Variants in ARHGEF18 observed in about 807,000 individuals in gnomAD.
The protein encoded by ARHGEF18 is Rho/Rac guanine nucleotide exchange factor 18, also known as rho guanine nucleotide exchange factor 18.
In ARHGEF18, 93 loss-of-function variants were observed where a neutral mutation model predicts 155.7. The ratio of observed to expected loss-of-function variants is 0.60; its 90% CI spans 0.50 to 0.71. The LOEUF is 0.71. Ranked by LOEUF, ARHGEF18 falls within the 30% of genes least tolerant of loss-of-function variation. ARHGEF18 has a pLI of 0.00. For synonymous variants in ARHGEF18, 742 were observed against 753.1 expected, an observed-to-expected ratio of 0.99 and a Z score of 0.24; for missense variants, 1,593 against 1,816.1, an observed-to-expected ratio of 0.88 and a Z score of 2.23.
At chr19:7,389,734 C>T (rs893884148) in intron 10 of ARHGEF18, among the ~76,000 whole-genome samples, 6 of 151,924 alleles carry the variant, frequency 3.9e-5, no homozygotes, top group African/African-American at 4.8e-5. Flanking sequence ...AGGGTTTCGC[C>T]GTGTTGGCCA....
At position 7,395,785 on chromosome 19, in the gene ARHGEF18, C is replaced by T. The variant is rs1368146756; in HGVS notation, c.967+12582C>T. Among the ~76,000 whole-genome samples the T allele has an allele frequency of 6.6e-6, 1 of 152,190 alleles. No homozygotes were observed. The highest frequency in any genetic ancestry group is 1.5e-5 in the Non-Finnish European group (1 of 68,024). ...AAGAACTCAGTTGGTGCTTTCATTG[C>T]GGACGGGAACGAGAAGCTTTCCCCT... On this transcript the variant is annotated intron_variant, in intron 10 of 28. Coordinates refer to ENST00000668164, the MANE Select transcript of ARHGEF18 (RefSeq NM_001367823.1). This position sits in a 1 kb window ranked among gnomAD's most constrained non-coding sequence, Gnocchi z 5.0.
chr19:7,379,131 C>A lies in ARHGEF18; in HGVS notation c.609C>A (p.Val203=). ...DHVEPDHVLI[V]QQVLQELRQY... ...ACCTCCACCCCCACAGGCTGATTGT[C>A]CAGCAGGTGCTTCAAGAACTTCGAC... Residue 203 remains valine (V), a synonymous_variant, in exon 7 of 29, where the codon GTC becomes GTA. Coordinates refer to ENST00000668164, the MANE Select transcript of ARHGEF18 (RefSeq NM_001367823.1). 6.5e-6 allele frequency: 8 copies of A among 1,232,430 alleles called. No individual in the cohort carries two copies. Among genetic ancestry groups the A allele is most frequent in the Non-Finnish European group, 8.1e-6 (8 of 988,240 alleles). 76.3% of individuals were successfully genotyped at this position (1,232,430 alleles called of 1,614,324 possible). A position where few individuals can be genotyped will look rare whatever the true frequency, so the allele number is the denominator to read the frequency against.
chr19:7,389,300 G>C (rs1032835790), intron 10 of ARHGEF18, among the ~76,000 whole-genome samples: 1 of 148,910 alleles, frequency 6.7e-6, no homozygotes, highest in African/African-American at 2.5e-5. Flanking sequence ...AGAAGTGCAT[G>C]CCATCATACC....
In ARHGEF18 at chr19:7,440,629, G is replaced by C; in HGVS notation, c.1106+147G>C. 2 of 1,168,688 alleles carry C rather than the reference G, an allele frequency of 1.7e-6. No homozygotes were observed. Among genetic ancestry groups the C allele is most frequent in the Non-Finnish European group, 2.3e-6 (2 of 856,620 alleles). 72.4% of individuals were successfully genotyped at this position (1,168,688 alleles called of 1,614,324 possible). A position where few individuals can be genotyped will look rare whatever the true frequency, so the allele number is the denominator to read the frequency against. On this transcript the variant is annotated intron_variant, in intron 11 of 28. Coordinates refer to ENST00000668164, the MANE Select transcript of ARHGEF18 (RefSeq NM_001367823.1). The surrounding 1 kb of genome is among the most constrained non-coding windows in gnomAD (Gnocchi z 5.4). The stretch of plus-strand genomic sequence containing the variant: ...GCTAAGCAGAGAAATTCCCATTAAC[G>C]CTTGCTTCCAGGATCCACGCCTTTT...
chr19:7,412,000 C>A (rs1257813561), intron 10 of ARHGEF18, among the ~76,000 whole-genome samples: 1 of 151,714 alleles, frequency 6.6e-6, no homozygotes, highest in Non-Finnish European at 1.5e-5. Flanking sequence ...TCTATACATG[C>A]ACACTTATTT....
intron 11 of ARHGEF18, among the ~76,000 whole-genome samples, chr19:7,441,138 G>A: frequency 6.7e-6 from 1 of 150,186 alleles, no homozygotes; most frequent in East Asian, 2.0e-4. Flanking sequence ...AAGAAATCCT[G>A]ATGTGACATT....
chr19:7,379,769 G>C (rs1970638188), intron 7 of ARHGEF18, among the ~76,000 whole-genome samples: 1 of 152,182 alleles, frequency 6.6e-6, no homozygotes, highest in South Asian at 2.1e-4. Flanking sequence ...TCATACCACT[G>C]TAATCCCAAC....
At position 7,462,920 on chromosome 19, in the gene ARHGEF18, T is replaced by C. The variant is rs1976378691; in HGVS notation, c.2635+586T>C. Among the ~76,000 whole-genome samples, 1 of 143,392 alleles carries C rather than the reference T, an allele frequency of 7.0e-6. No individual in the cohort carries two copies. Among genetic ancestry groups the C allele is most frequent in the Non-Finnish European group, 1.5e-5 (1 of 66,756 alleles). The allele number at this position is 143,392 out of a possible 152,430, so 94.1% of individuals were successfully genotyped here. A position where few individuals can be genotyped will look rare whatever the true frequency, so the allele number is the denominator to read the frequency against. ...GGCGTGATCTCGGCTCACTGCAACC[T>C]CCACCTCCTGGGTTTAAGTAATTCT... On this transcript the variant is annotated intron_variant, in intron 21 of 28. Coordinates refer to ENST00000668164, the MANE Select transcript of ARHGEF18 (RefSeq NM_001367823.1). This position sits in a 1 kb window ranked among gnomAD's most constrained non-coding sequence, Gnocchi z 4.4.
At chr19:7,349,584 C>G (rs189609424) in intron 1 of ARHGEF18, among the ~76,000 whole-genome samples, 131 of 151,996 alleles carry the variant, frequency 8.6e-4, no homozygotes, top group African/African-American at 3.1e-3. Flanking sequence ...TGGAGACCAG[C>G]CCGGCCAACA....
At chr19:7,460,258 A>G (rs1008606656) in intron 20 of ARHGEF18, among the ~76,000 whole-genome samples, 6 of 152,012 alleles carry the variant, frequency 3.9e-5, no homozygotes, top group African/African-American at 1.5e-4. Flanking sequence ...AGCCGACCAC[A>G]CAGCCACACA....
At chr19:7,474,791 C>A (rs1026636840), downstream of ARHGEF18, among the ~76,000 whole-genome samples, 2 of 99,454 alleles carry the variant, frequency 2.0e-5, no homozygotes, top group Admixed American at 1.9e-4. Flanking sequence ...GTGTCTCCCC[C>A]CACCCTCTGA....
chr19:7,373,837 G>A (rs1442317155), intron 3 of ARHGEF18, among the ~76,000 whole-genome samples: 2 of 142,782 alleles, frequency 1.4e-5, no homozygotes, highest in Middle Eastern at 3.6e-3. Flanking sequence ...TACAGTTCCC[G>A]CTCCTATGAG....
At chr19:7,459,709 G>A (rs1483105561) in intron 19 of ARHGEF18, among the ~76,000 whole-genome samples, 194 bp from the exon 20 acceptor site, 1 of 152,234 alleles carries the variant, frequency 6.6e-6, no homozygotes, top group African/African-American at 2.4e-5. Flanking sequence ...TCCTGGTTAT[G>A]CCCTGGCGCT....
intron 10 of ARHGEF18, among the ~76,000 whole-genome samples, chr19:7,408,463 C>T (rs951569045): frequency 6.6e-6 from 1 of 152,166 alleles, no homozygotes; most frequent in African/African-American, 2.4e-5. Context: ...TTCACCAGCC[C>T]CTACAGTAGA....
intron 10 of ARHGEF18, among the ~76,000 whole-genome samples, chr19:7,429,345 G>A (rs1044091234): frequency 2.6e-5 from 4 of 152,178 alleles, no homozygotes; most frequent in African/African-American, 9.6e-5. Context: ...GCTCATGCCT[G>A]TAATCCCAGC....
chr19:7,446,332 A>G (rs947879453), intron 14 of ARHGEF18, among the ~76,000 whole-genome samples: 1 of 152,076 alleles, frequency 6.6e-6, no homozygotes, highest in Non-Finnish European at 1.5e-5. Context: ...AGATCACACC[A>G]CTGCCCTCCA....
chr19:7,389,286 G>T (rs961845682), intron 10 of ARHGEF18, among the ~76,000 whole-genome samples: 4 of 151,042 alleles, frequency 2.6e-5, no homozygotes, highest in African/African-American at 9.7e-5. Flanking sequence ...AAGTAGCTGG[G>T]ACTAGAAGTG....
intron 5 of ARHGEF18, among the ~76,000 whole-genome samples, chr19:7,377,037 A>C (rs987139349): frequency 6.6e-6 from 1 of 151,242 alleles, no homozygotes; most frequent in African/African-American, 2.4e-5. Context: ...CCCCATTGCA[A>C]TGAGCTTGTC....
intron 26 of ARHGEF18, among the ~76,000 whole-genome samples, 189 bp downstream of exon 26, chr19:7,467,873 T>A (rs1351250701): frequency 6.6e-6 from 1 of 152,178 alleles, no homozygotes; most frequent in East Asian, 1.9e-4. Flanking sequence ...GGCTAAATGC[T>A]TAACAGAACG....
Sources: gnomAD v4.1 joint callset for allele counts (sites outside exome capture counted in the v4.1 genomes callset) on GRCh38, gnomAD v4.1.1 for gene constraint, Gnocchi (gnomAD v3.1) non-coding constraint, MANE v1.5 for transcripts, NCBI Gene and HGNC (gene_info 2026-07-23, HGNC 2026-07-21) for gene names.